The following KIAA1671 variants were observed in gnomAD, a reference collection of about 807,000 sequenced individuals.
The protein encoded by KIAA1671 is uncharacterized protein KIAA1671.
Under a neutral mutation model 131.2 loss-of-function variants are expected in KIAA1671, and 52 were observed. The ratio of observed to expected loss-of-function variants is 0.40; its 90% CI spans 0.32 to 0.50. The LOEUF (loss-of-function observed/expected upper bound fraction) is 0.50, where lower values mean the gene tolerates loss of function less well. Among genes scored for constraint, KIAA1671 ranks in the 20% least tolerant of loss-of-function variants. The pLI, the probability that KIAA1671 is intolerant of heterozygous loss-of-function variation, is 0.73. For synonymous variants in KIAA1671, 1,003 were observed against 961.6 expected (o/e 1.04, Z -0.80); for missense variants, 2,360 against 2,364.2 (o/e 1.00, Z 0.04).
rs558905749 is a variant in KIAA1671 at position 25,170,893 on chromosome 22, G to T, written c.4604G>T (p.Gly1535Val). ...ACTGACACCCTCGTGCACGAAGCCG[G>T]CAGCCAGTATGGGACGTGGACAGAG... ...KDTDTLVHEAGSQYGTWTEQC... is the reference protein window; with the variant it reads ...KDTDTLVHEAVSQYGTWTEQC... Residue 1535 changes from glycine to valine, a missense_variant, in exon 7 of 13, where the codon GGC (glycine) becomes GTC (valine). Around this residue, in one of 3 missense-constraint regions of KIAA1671, gnomAD observed 1,161 missense variants for 1,204.7 expected, o/e 0.96. Transcript: ENST00000358431. 7.0e-5 allele frequency: 108 copies of T among 1,551,700 alleles called. 1 individual carries two copies. The Middle Eastern group carries it at 2.3e-3, about 34-fold the overall frequency.
In KIAA1671 at chr22:25,174,333, C is replaced by G; in HGVS notation, c.4743C>G (p.Pro1581=). 1 of 1,552,042 alleles carries G rather than the reference C, an allele frequency of 6.4e-7. No individual in the cohort carries two copies. The change falls in exon 8 of 13, where the codon CCC becomes CCG. Residue 1581 remains proline, a synonymous_variant. Transcript: ENST00000358431. The stretch of plus-strand genomic sequence containing the variant: ...CTTCTCTGTCCTCCCAAACGGAGCC[C>G]ACCTCGGCAGGGGACCAGTATGACT... ...RLSSLSSQTE[P]TSAGDQYDCS...
chr22:25,170,899 A>G lies in KIAA1671; in HGVS notation c.4610A>G (p.Gln1537Arg). The stretch of plus-strand genomic sequence containing the variant: ...ACCCTCGTGCACGAAGCCGGCAGCC[A>G]GTATGGGACGTGGACAGAGCAGTGC... ...TDTLVHEAGS[Q>R]YGTWTEQCQS... is the part of the protein sequence containing the mutation. The change falls in exon 7 of 13, where the codon CAG (glutamine) becomes CGG (arginine). Residue 1537 changes from glutamine to arginine, a missense_variant. By Grantham distance (43) the Gln-to-Arg change is conservative. Coordinates refer to ENST00000358431, the MANE Select transcript of KIAA1671 (RefSeq NM_001145206.2). The G allele has an allele frequency of 6.4e-7, 1 of 1,551,714 alleles. No individual in the cohort carries two copies.
chr22:25,071,828 C>A (rs1928846267), intron 6 of KIAA1671, among the ~76,000 whole-genome samples: 1 of 152,072 alleles, frequency 6.6e-6, no homozygotes. Flanking sequence ...GGAGCTAGCG[C>A]CAGATACTTG....
chr22:25,168,189 C>T (rs1403005179), intron 6 of KIAA1671, among the ~76,000 whole-genome samples: 1 of 152,140 alleles, frequency 6.6e-6, no homozygotes, highest in Admixed American at 6.5e-5. Flanking sequence ...GCACCTACTG[C>T]GTGCCAGGCA....
intron 6 of KIAA1671, among the ~76,000 whole-genome samples, chr22:25,106,390 T>C (rs1931006288): frequency 6.6e-6 from 1 of 152,172 alleles, no homozygotes; most frequent in Non-Finnish European, 1.5e-5. Flanking sequence ...GCTCTGAGCC[T>C]TTCGTAACCA....
chr22:25,108,415 G>A (rs1456303089), intron 6 of KIAA1671, among the ~76,000 whole-genome samples: 2 of 152,132 alleles, frequency 1.3e-5, no homozygotes, highest in Admixed American at 1.3e-4. Flanking sequence ...TGGACGTCCT[G>A]GGCCTGCGTA....
Position 25,028,852 on chromosome 22 carries a change from A to G in KIAA1671, c.853A>G (p.Met285Val), listed in dbSNP as rs1926110981. 3 of 1,550,876 alleles carry G rather than the reference A, an allele frequency of 1.9e-6. No homozygotes were observed. The highest frequency in any genetic ancestry group is 2.0e-5 in the Admixed American group (1 of 50,918). Residue 285 changes from methionine (M) to valine (V), a missense_variant, in exon 3 of 13, where the codon ATG becomes GTG. Met to Val is a conservative substitution (Grantham distance 21). Around this residue, in one of 3 missense-constraint regions of KIAA1671, gnomAD observed 1,185 missense variants for 1,126.2 expected, o/e 1.05. Transcript: ENST00000358431. ...TWVRKPRPLS[M>V]DLTARFENKE... The stretch of plus-strand genomic sequence containing the variant: ...GGTGAGGAAGCCCAGGCCCTTGTCC[A>G]TGGACCTCACGGCCCGGTTTGAGAA...
Position 24,963,233 on chromosome 22 carries a change from G to A in KIAA1671, c.-208+10461G>A, listed in dbSNP as rs552506477. Among the ~76,000 whole-genome samples, 19 of 151,774 alleles carry A rather than the reference G, an allele frequency of 1.3e-4. No homozygotes were observed. In the East Asian group the frequency reaches 1.9e-3, roughly 16 times the overall value. ...ACAAAAATTAGCCGGGCTTTGTGGC[G>A]GACACCTGTAATTCCAGCTACTTGG... On this transcript the variant is annotated intron_variant, in intron 1 of 12. Transcript: ENST00000358431.
chr22:25,002,195 A>G (rs950812403), intron 1 of KIAA1671, among the ~76,000 whole-genome samples: 3 of 152,104 alleles, frequency 2.0e-5, no homozygotes, highest in Non-Finnish European at 2.9e-5. Flanking sequence ...CAGGAAAAAA[A>G]CCACTTTGGA....
chr22:25,032,221 T>G (rs1926333061), intron 3 of KIAA1671, among the ~76,000 whole-genome samples: 1 of 152,204 alleles, frequency 6.6e-6, no homozygotes, highest in Non-Finnish European at 1.5e-5. Flanking sequence ...GCATCTTCAC[T>G]CTTCCCTAAA....
intron 1 of KIAA1671, among the ~76,000 whole-genome samples, chr22:24,954,584 G>T (rs530390363): frequency 1.3e-5 from 2 of 152,282 alleles, no homozygotes; most frequent in African/African-American, 4.8e-5. Context: ...TGTAGAAATG[G>T]TGTGGCCTAG....
rs1324671566 is a variant in KIAA1671, at chr22:25,150,836, C to CTTTTTTTTTT, written c.4531-19979_4531-19970dup. On this transcript the variant is annotated intron_variant, in intron 6 of 12. Coordinates refer to ENST00000358431, the MANE Select transcript of KIAA1671 (RefSeq NM_001145206.2). Reference sequence around the variant, plus strand: ...TTATGACTGTGTTCTGGGTCCTTTGCTTTTTTTTTTTTTTGAGATGGAGTC... The same window carrying CTTTTTTTTTT: ...TTATGACTGTGTTCTGGGTCCTTTGCTTTTTTTTTTTTTTTTTTTTTTTTGAGATGGAGTC... Among the ~76,000 whole-genome samples, 28 of 125,934 alleles carry CTTTTTTTTTT rather than the reference C, an allele frequency of 2.2e-4. 4 individuals carry two copies. Among genetic ancestry groups the CTTTTTTTTTT allele is most frequent in the African/African-American group, 3.1e-4 (10 of 32,678 alleles). 82.6% of individuals were successfully genotyped at this position (125,934 alleles called of 152,430 possible). A position where few individuals can be genotyped will look rare whatever the true frequency, so the allele number is the denominator to read the frequency against.
At chr22:25,132,206 TCTCA>T (rs1932472292) in intron 6 of KIAA1671, among the ~76,000 whole-genome samples, 2 of 152,162 alleles carry the variant, frequency 1.3e-5, no homozygotes, top group African/African-American at 2.4e-5. Flanking sequence ...TTACTAAAGC[TCTCA>T]CTCACCCTTC....
rs377368958 is a variant in KIAA1671 at position 25,019,050 on chromosome 22, T to TTGTGTGTGTGTGTGTG, written c.-207-6555_-207-6540dup. Reference sequence around the variant, plus strand: ...CTTCACATCCTCTCCAATAGTTGTTTTGTGTGTGTGTGTGTGTGTGTGTGT... The same window carrying TTGTGTGTGTGTGTGTG: ...CTTCACATCCTCTCCAATAGTTGTTTTGTGTGTGTGTGTGTGTGTGTGTGTGTGTGTGTGTGTGTGT... On this transcript the variant is annotated intron_variant, in intron 1 of 12. Coordinates refer to ENST00000358431, the MANE Select transcript of KIAA1671 (RefSeq NM_001145206.2). Among the ~76,000 whole-genome samples the TTGTGTGTGTGTGTGTG allele has an allele frequency of 4.8e-4, 69 of 144,220 alleles. 1 individual carries two copies. Among genetic ancestry groups the TTGTGTGTGTGTGTGTG allele is most frequent in the African/African-American group, 1.6e-3 (61 of 38,318 alleles). 94.6% of individuals were successfully genotyped at this position (144,220 alleles called of 152,430 possible).
At chr22:25,171,068 C>T in intron 7 of KIAA1671, 130 bp downstream of exon 7, 1 of 732,382 alleles carries the variant, frequency 1.4e-6, no homozygotes, top group Non-Finnish European at 2.3e-6. Flanking sequence ...ACCCATTCTT[C>T]TTTTAAAAAG....
chr22:25,125,882 T>TG (rs1474058747), intron 6 of KIAA1671, among the ~76,000 whole-genome samples: 9 of 152,240 alleles, frequency 5.9e-5, no homozygotes, highest in Non-Finnish European at 1.3e-4. Context: ...TAGTAGGCCT[T>TG]TGGAATACCC....
At chr22:25,009,822 TC>T (rs1235647149) in intron 1 of KIAA1671, 1 of 152,194 alleles carries the variant, frequency 6.6e-6, no homozygotes, top group African/African-American at 2.4e-5. Context: ...GACCTTGTGA[TC>T]CGCCCTCCTC....
intron 5 of KIAA1671, among the ~76,000 whole-genome samples, chr22:25,042,883 A>G (rs1422374604): frequency 6.6e-6 from 1 of 151,948 alleles, no homozygotes; most frequent in Non-Finnish European, 1.5e-5. Context: ...CTCACTGGGG[A>G]CCCCGGGAGG....
At chr22:25,184,253 C>T (rs969534812) in intron 10 of KIAA1671, among the ~76,000 whole-genome samples, 3 of 152,212 alleles carry the variant, frequency 2.0e-5, no homozygotes, top group Admixed American at 6.5e-5. Flanking sequence ...TTTGGGCTCT[C>T]TCGCCCTGTA....
Sources: allele counts gnomAD v4.1 joint callset (sites outside exome capture counted in the v4.1 genomes callset), GRCh38; gene constraint gnomAD v4.1.1; regional missense constraint gnomAD v4.1.1; transcripts MANE v1.5; gene names NCBI Gene and HGNC (gene_info 2026-07-23, HGNC 2026-07-21).